Variants in PDIA5 observed in about 807,000 individuals in gnomAD.
The protein encoded by PDIA5 is protein disulfide-isomerase A5.
PDIA5 carries 58 observed loss-of-function variants against 77.6 expected under a neutral mutation model. The ratio of observed to expected loss-of-function variants is 0.75; its 90% confidence interval spans 0.61 to 0.93. The LOEUF (loss-of-function observed/expected upper bound fraction) is 0.93. Ranked by LOEUF, PDIA5 falls within the 40% of genes least tolerant of loss-of-function variation. PDIA5 has a pLI of 0.00. For missense variants in PDIA5, 630 were observed against 647.7 expected, an observed-to-expected ratio of 0.97 and a Z score of 0.30; for synonymous variants, 250 against 252.1, an observed-to-expected ratio of 0.99 and a Z score of 0.08.
chr3:123,109,031 G>T (rs188220545), intron 6 of PDIA5, among the ~76,000 whole-genome samples: 81 of 152,258 alleles, frequency 5.3e-4, no homozygotes, highest in African/African-American at 1.9e-3. Flanking sequence ...GAAAGTGATT[G>T]CCTGGTGCCT....
intron 3 of PDIA5, among the ~76,000 whole-genome samples, chr3:123,095,115 G>A (rs980491985): frequency 6.6e-6 from 1 of 152,208 alleles, no homozygotes; most frequent in Admixed American, 6.5e-5. Context: ...CTGTGACACC[G>A]GGCAAGTCGG....
intron 11 of PDIA5, among the ~76,000 whole-genome samples, chr3:123,142,171 C>T (rs572326936): frequency 6.6e-6 from 1 of 152,380 alleles, no homozygotes; most frequent in East Asian, 1.9e-4. Context: ...GTGGGGGTCG[C>T]TGCCTAGAGG....
intron 11 of PDIA5, among the ~76,000 whole-genome samples, chr3:123,132,599 G>A (rs1339687089): frequency 6.6e-6 from 1 of 152,250 alleles, no homozygotes; most frequent in African/African-American, 2.4e-5. Flanking sequence ...ATCCCCGAGG[G>A]TAAAGGTACT....
Position 123,145,570 on chromosome 3 carries a change from A to G in PDIA5, c.959A>G (p.Glu320Gly), listed in dbSNP as rs1232085617. The change falls in exon 12 of 17, where the codon GAA becomes GGA. Residue 320 changes from glutamate to glycine, a missense_variant. By Grantham distance (98) the Glu-to-Gly change is moderately conservative. Transcript: ENST00000316218. ...AAGCCGGAGTTTGAGAAGGCAGCAG[A>G]AGCCCTCCATGGAGAAGCGGATGTA... is the stretch of plus-strand genomic sequence containing the variant. ...KMKPEFEKAA[E>G]ALHGEADSSG... The G allele has an allele frequency of 1.2e-5, 20 of 1,613,860 alleles. No homozygotes were observed. Among genetic ancestry groups the G allele is most frequent in the Non-Finnish European group, 1.4e-5 (17 of 1,179,724 alleles).
intron 13 of PDIA5, among the ~76,000 whole-genome samples, chr3:123,149,622 T>A (rs1282860951): frequency 6.6e-6 from 1 of 152,162 alleles, no homozygotes; most frequent in East Asian, 1.9e-4. Context: ...TATTAGAGCA[T>A]CTAGGCTCTC....
chr3:123,107,730 C>CCTAT lies in PDIA5; in HGVS notation c.480+892_480+895dup, dbSNP rs536303904. 1.1e-4 allele frequency among the ~76,000 whole-genome samples: 16 copies of CCTAT among 152,280 alleles called. 1 individual carries two copies. The highest frequency in any genetic ancestry group is 1.8e-4 in the Non-Finnish European group (12 of 68,022). Reference sequence around the variant, plus strand: ...TGTAGGTAGAGGGAGAGGGTTCATTCCTATCTCAATAAAATAAAACATAGC... The same window carrying CCTAT: ...TGTAGGTAGAGGGAGAGGGTTCATTCCTATCTATCTCAATAAAATAAAACATAGC... On this transcript the variant is annotated intron_variant, in intron 6 of 16. Transcript: ENST00000316218.
At chr3:123,154,745 A>C (rs1306960176) in intron 14 of PDIA5, among the ~76,000 whole-genome samples, 1 of 152,206 alleles carries the variant, frequency 6.6e-6, no homozygotes, top group Non-Finnish European at 1.5e-5. Flanking sequence ...GGGCAGGAGC[A>C]TATGATGCTT....
intron 1 of PDIA5, among the ~76,000 whole-genome samples, chr3:123,074,688 C>T (rs1238709867): frequency 6.6e-6 from 1 of 152,070 alleles, no homozygotes; most frequent in Non-Finnish European, 1.5e-5. Context: ...CACTGCTACC[C>T]TAATTACTAC....
In PDIA5 at chr3:123,086,424, G is replaced by T. The variant is rs528297320; in HGVS notation, c.43-2744G>T. On this transcript the variant is annotated intron_variant, in intron 1 of 16. Transcript: ENST00000316218. Reference sequence around the variant, plus strand: ...ATCCAAGACTTCTGACTGCAAAAAGGCAGGAGGCTGAGAAGGCGTGACTCA... The same window carrying T: ...ATCCAAGACTTCTGACTGCAAAAAGTCAGGAGGCTGAGAAGGCGTGACTCA... 2.9e-4 allele frequency among the ~76,000 whole-genome samples: 44 copies of T among 152,328 alleles called. 1 individual carries two copies. In the South Asian group the frequency reaches 8.7e-3, roughly 30 times the overall value.
intron 10 of PDIA5, among the ~76,000 whole-genome samples, chr3:123,130,018 A>AC (rs1486797898): frequency 1.3e-5 from 2 of 150,052 alleles, no homozygotes; most frequent in Middle Eastern, 3.5e-3. Context: ...TCTCCTCCTC[A>AC]CCCCCTCCTC....
intron 6 of PDIA5, among the ~76,000 whole-genome samples, chr3:123,109,853 G>A (rs997217048): frequency 6.6e-6 from 1 of 152,106 alleles, no homozygotes; most frequent in Admixed American, 6.5e-5. Flanking sequence ...CCACCCTTTA[G>A]TGCACCATGC....
chr3:123,110,465 G>A (rs1445928712), intron 6 of PDIA5, among the ~76,000 whole-genome samples: 2 of 152,082 alleles, frequency 1.3e-5, no homozygotes, highest in South Asian at 4.1e-4. Context: ...CACAGTGAGC[G>A]GATCCCCATC....
At chr3:123,161,710 TC>T in intron 16 of PDIA5, 169 bp from the exon 17 acceptor site, 1 of 665,424 alleles carries the variant, frequency 1.5e-6, no homozygotes, top group Non-Finnish European at 2.6e-6. Context: ...CACTTGCTGG[TC>T]GGGGCTGGTG....
chr3:123,130,720 T>A, intron 11 of PDIA5, 104 bp downstream of exon 11: 1 of 1,327,968 alleles, frequency 7.5e-7, no homozygotes, highest in Non-Finnish European at 1.1e-6. Flanking sequence ...ATTTTTTGGA[T>A]GCCAGGACCC....
chr3:123,082,689 G>A (rs994933928), intron 1 of PDIA5, among the ~76,000 whole-genome samples: 6 of 152,142 alleles, frequency 3.9e-5, no homozygotes, highest in African/African-American at 7.2e-5. Context: ...AAGTTGTCTC[G>A]CTAATAAAGA....
chr3:123,110,992 T>C lies in PDIA5; in HGVS notation c.529T>C (p.Phe177Leu). 1 of 1,613,600 alleles carries C rather than the reference T, an allele frequency of 6.2e-7. No individual in the cohort carries two copies. The highest frequency in any genetic ancestry group is 8.5e-7 in the Non-Finnish European group (1 of 1,179,608). ...KKEEKPLLIM[F>L]YAPWCSMCKR... is the part of the protein sequence containing the mutation. The stretch of plus-strand genomic sequence containing the variant: ...GGAAGAGAAGCCGCTCCTGATCATG[T>C]TTTATGCCCCCTGTGAGTGAACTTT... Residue 177 changes from phenylalanine to leucine, a missense_variant, in exon 7 of 17, where the codon TTT (phenylalanine) becomes CTT (leucine). Physicochemically the swap from Phe to Leu is conservative, Grantham distance 22. Transcript: ENST00000316218.
intron 1 of PDIA5, among the ~76,000 whole-genome samples, chr3:123,081,974 T>G (rs1316079071): frequency 6.6e-6 from 1 of 152,208 alleles, no homozygotes; most frequent in African/African-American, 2.4e-5. Flanking sequence ...TTGTGTGTGC[T>G]ATGTTAGCAG....
At chr3:123,093,034 C>T (rs906882485) in intron 3 of PDIA5, among the ~76,000 whole-genome samples, 9 of 152,214 alleles carry the variant, frequency 5.9e-5, no homozygotes, top group Middle Eastern at 3.4e-3. Context: ...GCAGGTTAAG[C>T]GAGCTTTTAT....
intron 2 of PDIA5, among the ~76,000 whole-genome samples, chr3:123,092,072 G>A (rs1934303011): frequency 6.6e-6 from 1 of 152,228 alleles, no homozygotes; most frequent in Non-Finnish European, 1.5e-5. Flanking sequence ...GGAATAGTAA[G>A]GTGTGAGGTG....
Sources: gnomAD v4.1 joint callset for allele counts (sites outside exome capture counted in the v4.1 genomes callset) on GRCh38, gnomAD v4.1.1 for gene constraint, MANE v1.5 for transcripts, NCBI Gene and HGNC (gene_info 2026-07-23, HGNC 2026-07-21) for gene names.